The following CFAP20DC variants were observed in gnomAD, a reference collection of about 807,000 sequenced individuals.
The protein encoded by CFAP20DC is CFAP20 domain containing, also known as protein CFAP20DC.
A neutral mutation model predicts 101.7 loss-of-function variants in CFAP20DC; 84 were observed. The observed-to-expected ratio is 0.83, with a 90% confidence interval of 0.69 to 0.99. The LOEUF (loss-of-function observed/expected upper bound fraction) is 0.99. CFAP20DC is among the 50% of genes least tolerant of loss of function. The pLI is 0.00. For synonymous variants in CFAP20DC, 359 were observed against 351.2 expected (o/e 1.02, Z -0.25); for missense variants, 1,007 against 970.3 (o/e 1.04, Z -0.50).
intron 6 of CFAP20DC, among the ~76,000 whole-genome samples, chr3:58,895,918 G>T (rs1327149936): frequency 6.6e-6 from 1 of 152,180 alleles, no homozygotes; most frequent in Non-Finnish European, 1.5e-5. Context: ...ATCAGATCTT[G>T]TGAGACTTAT....
At chr3:58,966,467 CAT>C (rs1491008570) in intron 4 of CFAP20DC, among the ~76,000 whole-genome samples, 3 of 139,228 alleles carry the variant, frequency 2.2e-5, no homozygotes, top group East Asian at 2.0e-4. Flanking sequence ...TTGAAATATA[CAT>C]ATGTGTATAT....
chr3:58,890,412 C>T (rs1259785584), intron 6 of CFAP20DC, among the ~76,000 whole-genome samples: 10 of 141,250 alleles, frequency 7.1e-5, no homozygotes, highest in South Asian at 4.5e-4. Flanking sequence ...ACCTCCCGGA[C>T]GGGGTGGCTG....
At position 58,962,700 on chromosome 3, in the gene CFAP20DC, T is replaced by G. The variant is rs901081640; in HGVS notation, c.279-24938A>C. ...ATGGGACAATTCAAAGCTCAGGCCGTGAACGAGCCTGGCCCAGCTTTTACT... is the reference window on the plus strand; with the variant it reads ...ATGGGACAATTCAAAGCTCAGGCCGGGAACGAGCCTGGCCCAGCTTTTACT... On this transcript the variant is annotated intron_variant, in intron 4 of 16. Transcript: ENST00000482387. Among the ~76,000 whole-genome samples, 128 of 152,254 alleles carry G rather than the reference T, an allele frequency of 8.4e-4. 1 individual carries two copies. Among genetic ancestry groups the G allele is most frequent in the African/African-American group, 3.0e-3 (124 of 41,556 alleles).
At chr3:58,954,867 T>C (rs999745505) in intron 4 of CFAP20DC, among the ~76,000 whole-genome samples, 1 of 152,178 alleles carries the variant, frequency 6.6e-6, no homozygotes, top group Non-Finnish European at 1.5e-5. Context: ...ACTGGCACTC[T>C]TGGAACCTTT....
chr3:58,765,471 CAAAAAAAAAAAAAAAAACCAAAA>C (rs2070194443), intron 15 of CFAP20DC, among the ~76,000 whole-genome samples: 1 of 27,784 alleles, frequency 3.6e-5, no homozygotes, highest in South Asian at 1.3e-3. Context: ...ACATTCTAGC[CAAAAAAAAAAAAAAAAACCAAAA>C]AAAAAAAAAA....
intron 3 of CFAP20DC, 25 bp from the exon 4 acceptor site, chr3:59,039,654 TCAAATGTTCGAAGCATTTA>T (rs1429383781): frequency 1.1e-5 from 15 of 1,411,826 alleles, no homozygotes; most frequent in African/African-American, 1.4e-5. Context: ...AAATACACAT[TCAAATGTTCGAAGCATTTA>T]TATGTGCATA....
chr3:58,949,032 C>T (rs1407659045), intron 4 of CFAP20DC, among the ~76,000 whole-genome samples: 1 of 151,938 alleles, frequency 6.6e-6, no homozygotes, highest in Non-Finnish European at 1.5e-5. Context: ...GTGTATGTGT[C>T]GAGGAATTTA....
At chr3:58,929,742 C>T (rs1454759714) in intron 5 of CFAP20DC, among the ~76,000 whole-genome samples, 1 of 152,224 alleles carries the variant, frequency 6.6e-6, no homozygotes, top group African/African-American at 2.4e-5. Context: ...CCCAGTGGAT[C>T]TGCCTACTGA....
chr3:58,892,985 A>G lies in CFAP20DC; in HGVS notation c.551-8276T>C, dbSNP rs1445586516. 1.3e-5 allele frequency among the ~76,000 whole-genome samples: 2 copies of G among 148,400 alleles called. No homozygotes were observed. Among genetic ancestry groups the G allele is most frequent in the Non-Finnish European group, 3.0e-5 (2 of 67,312 alleles). ...TGTGGGTTTGTCATATACAGTTCTT[A>G]TTATTTTGAGGTGTGTTTCTTCAAC... is the stretch of plus-strand genomic sequence containing the variant. On this transcript the variant is annotated intron_variant, in intron 6 of 16. Coordinates refer to ENST00000482387, the MANE Select transcript of CFAP20DC (RefSeq NM_001394063.1). This position sits in a 1 kb window ranked among gnomAD's most constrained non-coding sequence, Gnocchi z 4.0.
At chr3:58,762,462 G>A (rs957839652) in intron 15 of CFAP20DC, among the ~76,000 whole-genome samples, 96 of 152,234 alleles carry the variant, frequency 6.3e-4, no homozygotes, top group Middle Eastern at 3.4e-3. Context: ...CCTGAATACA[G>A]CACACTGATG....
At chr3:58,789,270 A>G (rs1461580329) in intron 15 of CFAP20DC, among the ~76,000 whole-genome samples, 1 of 152,230 alleles carries the variant, frequency 6.6e-6, no homozygotes, top group Non-Finnish European at 1.5e-5. Context: ...TAAAATTAGA[A>G]TACAAAATAA....
rs1281568451 is a variant in CFAP20DC at position 58,799,773 on chromosome 3, AACAG to A, written c.2237+6618_2237+6621del. Among the ~76,000 whole-genome samples the A allele has an allele frequency of 6.6e-6, 1 of 150,880 alleles. No homozygotes were observed. The highest frequency in any genetic ancestry group is 1.5e-5 in the Non-Finnish European group (1 of 67,718). On this transcript the variant is annotated intron_variant, in intron 15 of 16. Transcript: ENST00000482387. The surrounding 1 kb of genome is among the most constrained non-coding windows in gnomAD (Gnocchi z 4.9). ...TGTGTGTGTGTGTGTGTGTGTAGAA[AACAG>A]ACAAACAAGGAAACATCAGTTAGTG... is the stretch of plus-strand genomic sequence containing the variant.
chr3:58,838,820 T>G (rs1461044283), intron 13 of CFAP20DC, among the ~76,000 whole-genome samples: 1 of 152,188 alleles, frequency 6.6e-6, no homozygotes, highest in African/African-American at 2.4e-5. Context: ...TGTCTCAAGC[T>G]TAACAATTAA....
At chr3:58,935,765 A>T (rs2087483354) in intron 5 of CFAP20DC, among the ~76,000 whole-genome samples, 1 of 152,242 alleles carries the variant, frequency 6.6e-6, no homozygotes, top group Admixed American at 6.5e-5. Flanking sequence ...CTTATACAAA[A>T]ATTAATTCAA....
At position 58,863,786 on chromosome 3, in the gene CFAP20DC, C is replaced by T. The variant is rs747208104; in HGVS notation, c.1365G>A (p.Leu455=). Residue 455 remains leucine (L), a synonymous_variant, in exon 12 of 17, where the codon CTG becomes CTA. Transcript: ENST00000482387. The surrounding 1 kb of genome is among the most constrained non-coding windows in gnomAD (Gnocchi z 5.9). ...DDSCNPSHLW[L]EASKESEHDQ... ...CGTGTTCACTCTCTTTGCTGGCTTC[C>T]AGCCACAGGTGTGATGGGTTGCAGG... 5.0e-6 allele frequency: 8 copies of T among 1,614,220 alleles called. No individual in the cohort carries two copies. The South Asian group carries it at 7.7e-5, about 16-fold the overall frequency.
At position 58,882,740 on chromosome 3, in the gene CFAP20DC, T is replaced by A. The variant is rs551309535; in HGVS notation, c.715+1805A>T. 3.9e-5 allele frequency among the ~76,000 whole-genome samples: 6 copies of A among 152,274 alleles called. No homozygotes were observed. Among genetic ancestry groups the A allele is most frequent in the Non-Finnish European group, 1.5e-5 (1 of 68,014 alleles). On this transcript the variant is annotated intron_variant, in intron 7 of 16. Transcript: ENST00000482387. The surrounding 1 kb of genome is among the most constrained non-coding windows in gnomAD (Gnocchi z 4.2). ...AGTCTCTCTCTGTCTAAATATAGTA[T>A]ATATAGTAAGCATACAAATTCCCAT...
At chr3:58,750,264 A>T (rs964825859) in intron 16 of CFAP20DC, among the ~76,000 whole-genome samples, 1 of 152,138 alleles carries the variant, frequency 6.6e-6, no homozygotes, top group Non-Finnish European at 1.5e-5. Context: ...GGCAGAGTAT[A>T]TTTCCCTGCT....
intron 15 of CFAP20DC, among the ~76,000 whole-genome samples, chr3:58,804,189 G>C (rs901486220): frequency 1.7e-4 from 26 of 152,236 alleles, no homozygotes; most frequent in Middle Eastern, 3.4e-3. Context: ...TTACACATGA[G>C]GGTATTCATA....
At chr3:58,754,813 G>A (rs760928150) in intron 15 of CFAP20DC, among the ~76,000 whole-genome samples, 15 of 152,134 alleles carry the variant, frequency 9.9e-5, no homozygotes, top group South Asian at 2.1e-4. Flanking sequence ...ACTTGGCCAC[G>A]TCACTTAGCA....
Sources: allele counts gnomAD v4.1 joint callset (sites outside exome capture counted in the v4.1 genomes callset), GRCh38; gene constraint gnomAD v4.1.1; non-coding constraint Gnocchi (gnomAD v3.1); transcripts MANE v1.5; gene names NCBI Gene and HGNC (gene_info 2026-07-23, HGNC 2026-07-21).